NCAM2: variants seen among roughly 807,000 people sequenced by gnomAD.
The protein encoded by NCAM2 is N-CAM-2.
NCAM2 carries 30 observed loss-of-function variants against 98.1 expected under a neutral mutation model. The observed-to-expected ratio is 0.31, with a 90% CI of 0.23 to 0.41. The LOEUF is 0.41. Ranked by LOEUF, NCAM2 falls within the 10% of genes least tolerant of loss-of-function variation. The pLI, the probability that NCAM2 is intolerant of heterozygous loss-of-function variation, is 1.00. For synonymous variants in NCAM2, 368 were observed against 342.4 expected, an observed-to-expected ratio of 1.07 and a Z score of -0.83; for missense variants, 867 against 1,005.8, an observed-to-expected ratio of 0.86 and a Z score of 1.87.
chr21:21,344,178 G>A (rs1003241865), intron 8 of NCAM2, among the ~76,000 whole-genome samples: 7 of 152,180 alleles, frequency 4.6e-5, no homozygotes, highest in Non-Finnish European at 2.9e-5. Context: ...AAAGGACCCA[G>A]TCCTGGCAGC....
At chr21:21,009,911 G>A (rs969652835) in intron 1 of NCAM2, among the ~76,000 whole-genome samples, 1 of 151,516 alleles carries the variant, frequency 6.6e-6, no homozygotes, top group Non-Finnish European at 1.5e-5. Flanking sequence ...GTGTGTGTGT[G>A]TGTGTGTTTT....
chr21:21,281,943 A>T (rs1369121467), intron 2 of NCAM2, among the ~76,000 whole-genome samples: 1 of 151,768 alleles, frequency 6.6e-6, no homozygotes, highest in Non-Finnish European at 1.5e-5. Flanking sequence ...TATGTATAAC[A>T]TGTCACATTT....
intron 8 of NCAM2, among the ~76,000 whole-genome samples, chr21:21,357,612 G>C (rs1286152586): frequency 6.6e-6 from 1 of 152,212 alleles, no homozygotes; most frequent in Non-Finnish European, 1.5e-5. Context: ...TTGAAAGACA[G>C]TATGTAAGTC....
chr21:21,215,816 G>T (rs148033110), intron 1 of NCAM2, among the ~76,000 whole-genome samples: 1 of 152,094 alleles, frequency 6.6e-6, no homozygotes, highest in Non-Finnish European at 1.5e-5. Flanking sequence ...GTGTTGTAAG[G>T]TGTTTGATGA....
intron 5 of NCAM2, among the ~76,000 whole-genome samples, chr21:21,295,193 T>C (rs901570198): frequency 6.6e-6 from 1 of 151,696 alleles, no homozygotes; most frequent in Non-Finnish European, 1.5e-5. Flanking sequence ...CCCTTTATTC[T>C]ACGTTTTGTT....
At chr21:21,134,100 G>A (rs1843503530) in intron 1 of NCAM2, among the ~76,000 whole-genome samples, 1 of 142,880 alleles carries the variant, frequency 7.0e-6, no homozygotes, top group Admixed American at 7.3e-5. Flanking sequence ...ATGATGTCTC[G>A]CTCTGTCACC....
chr21:21,440,660 A>G (rs1179683219), intron 12 of NCAM2, among the ~76,000 whole-genome samples: 1 of 151,922 alleles, frequency 6.6e-6, no homozygotes, highest in East Asian at 1.9e-4. Flanking sequence ...CAGCCTGGGA[A>G]ACAGAAGGAA....
chr21:21,411,492 A>T (rs1250283951), intron 10 of NCAM2, among the ~76,000 whole-genome samples: 1 of 151,932 alleles, frequency 6.6e-6, no homozygotes, highest in Admixed American at 6.6e-5. Context: ...ATTGCCAAGT[A>T]ATTGGCCTTT....
intron 1 of NCAM2, among the ~76,000 whole-genome samples, chr21:21,101,219 A>G (rs2066234037): frequency 6.6e-6 from 1 of 152,076 alleles, no homozygotes; most frequent in Admixed American, 6.6e-5. Flanking sequence ...TTAAGATATT[A>G]ATATGCAGAA....
chr21:21,207,066 A>G (rs2069463255), intron 1 of NCAM2, among the ~76,000 whole-genome samples: 1 of 152,202 alleles, frequency 6.6e-6, no homozygotes, highest in Admixed American at 6.5e-5. Flanking sequence ...AAAATCAAAA[A>G]TTAAACTATA....
chr21:21,208,712 C>T (rs1009694850), intron 1 of NCAM2, among the ~76,000 whole-genome samples: 1 of 152,036 alleles, frequency 6.6e-6, no homozygotes, highest in African/African-American at 2.4e-5. Context: ...TTGACATTTT[C>T]TTCCTGTACC....
At chr21:21,325,595 C>T (rs1384541368) in intron 6 of NCAM2, among the ~76,000 whole-genome samples, 5 of 152,124 alleles carry the variant, frequency 3.3e-5, no homozygotes, top group Non-Finnish European at 7.4e-5. Context: ...AGATAATCAT[C>T]GTCTGTCTCA....
intron 1 of NCAM2, among the ~76,000 whole-genome samples, chr21:21,135,389 C>A (rs1366157224): frequency 2.0e-5 from 3 of 152,100 alleles, no homozygotes; most frequent in Non-Finnish European, 4.4e-5. Flanking sequence ...CAAGTTAAGT[C>A]CCTTTTATCT....
intron 1 of NCAM2, among the ~76,000 whole-genome samples, chr21:21,265,796 G>A (rs1419187654): frequency 6.6e-6 from 1 of 151,920 alleles, no homozygotes; most frequent in Non-Finnish European, 1.5e-5. Context: ...ATGACCTACT[G>A]AGTACTACTC....
At chr21:21,214,252 T>C (rs2069773305) in intron 1 of NCAM2, among the ~76,000 whole-genome samples, 1 of 152,152 alleles carries the variant, frequency 6.6e-6, no homozygotes, top group African/African-American at 2.4e-5. Flanking sequence ...AAAATGTTTA[T>C]AGATTGAGAT....
intron 1 of NCAM2, among the ~76,000 whole-genome samples, chr21:21,238,233 A>C (rs9967999): frequency 0.012 from 1,852 of 152,190 alleles, 48 homozygotes; most frequent in African/African-American, 0.043. Context: ...CTGGGATTAC[A>C]GGGATGAGCC....
chr21:21,110,373 G>C (rs1334116432), intron 1 of NCAM2, among the ~76,000 whole-genome samples: 2 of 151,962 alleles, frequency 1.3e-5, no homozygotes, highest in African/African-American at 4.8e-5. Context: ...CCAGGCCCCA[G>C]TTTCCCCAGT....
chr21:21,165,793 C>T (rs1186224990), intron 1 of NCAM2, among the ~76,000 whole-genome samples: 4 of 152,156 alleles, frequency 2.6e-5, no homozygotes, highest in Admixed American at 6.5e-5. Context: ...CCCTGCCTTC[C>T]CAAATGAATT....
intron 1 of NCAM2, among the ~76,000 whole-genome samples, chr21:21,137,231 C>T (rs778425851): frequency 6.6e-6 from 1 of 152,152 alleles, no homozygotes; most frequent in Non-Finnish European, 1.5e-5. Flanking sequence ...TAGAAAAATA[C>T]ACTGCCATTA....
Sources: gnomAD v4.1 joint callset for allele counts (sites outside exome capture counted in the v4.1 genomes callset) on GRCh38, gnomAD v4.1.1 for gene constraint, MANE v1.5 for transcripts, NCBI Gene and HGNC (gene_info 2026-07-23, HGNC 2026-07-21) for gene names.